The following TACC1 variants were observed in gnomAD, a reference collection of about 807,000 sequenced individuals.
TACC1 encodes transforming acidic coiled-coil-containing protein 1.
TACC1 carries 48 observed loss-of-function variants against 84.4 expected under a neutral mutation model. The ratio of observed to expected loss-of-function variants is 0.57; its 90% CI spans 0.45 to 0.72. The LOEUF is 0.72. TACC1 is among the 30% of genes least tolerant of loss of function. The pLI is 0.00. For synonymous variants in TACC1, 372 were observed against 376.3 expected (o/e 0.99, Z 0.13); for missense variants, 920 against 973.0 (o/e 0.95, Z 0.72).
rs564484169 is a variant in TACC1, at chr8:38,771,094, G to A, written c.27-17610G>A. ...CTGGCTCATTGAAAAAGTTTGGCAA[G>A]GTTGTCAGGAGACATGAATTAGATG... On this transcript the variant is annotated intron_variant, in intron 3 of 14. Coordinates refer to the TACC1 transcript ENST00000518415. 1.9e-4 allele frequency among the ~76,000 whole-genome samples: 29 copies of A among 152,326 alleles called. No homozygotes were observed. In the East Asian group the frequency reaches 5.0e-3, roughly 26 times the overall value.
chr8:38,754,136 G>A (rs970974941), intron 3 of TACC1, among the ~76,000 whole-genome samples: 1 of 151,752 alleles, frequency 6.6e-6, no homozygotes, highest in African/African-American at 2.4e-5. Flanking sequence ...TAAATTTTTG[G>A]TAGAGACAGG....
intron 1 of TACC1, chr8:38,742,278 G>T (rs1266708060): frequency 1.7e-6 from 1 of 579,320 alleles, no homozygotes; most frequent in Non-Finnish European, 2.7e-6. Flanking sequence ...TTAGGCAAAA[G>T]GTTGGAAACT....
At chr8:38,775,429 T>G (rs925051448) in intron 3 of TACC1, among the ~76,000 whole-genome samples, 4 of 152,160 alleles carry the variant, frequency 2.6e-5, no homozygotes, top group Non-Finnish European at 5.9e-5. Flanking sequence ...GCCTGGGTGG[T>G]TTATAAACCA....
chr8:38,756,063 C>G (rs1809982151), intron 3 of TACC1, among the ~76,000 whole-genome samples: 1 of 151,912 alleles, frequency 6.6e-6, no homozygotes, highest in Admixed American at 6.6e-5. Context: ...AATCCACCCC[C>G]TAGGCCTCCC....
chr8:38,797,072 G>A (rs542632097), intron 2 of TACC1, among the ~76,000 whole-genome samples: 47 of 152,378 alleles, frequency 3.1e-4, no homozygotes, highest in Middle Eastern at 6.8e-3. Context: ...AGTGCTGGCT[G>A]TTGGTGGGAG....
chr8:38,792,331 A>G (rs551395952), intron 2 of TACC1, among the ~76,000 whole-genome samples: 283 of 152,294 alleles, frequency 1.9e-3, no homozygotes, highest in Middle Eastern at 6.8e-3. Context: ...GACAGGATCT[A>G]TGTCTAGACT....
Position 38,846,724 on chromosome 8 carries a change from C to T in TACC1, c.2254C>T (p.Arg752Ter). ...AGCCAATGAAGAGATTGCTCAGGTT[C>T]GAACAAAAGCAAAGGCTGAGAGTGC... ...DKANEEIAQVRTKAKAESAAL... is the reference protein window; with the variant it reads ...DKANEEIAQV Residue 752 changes from arginine to a stop codon, truncating the protein, a stop_gained, in exon 12 of 13, where the codon CGA becomes TGA. Coordinates refer to ENST00000317827, the MANE Select transcript of TACC1 (RefSeq NM_006283.3). LOFTEE classifies it high-confidence loss of function. The T allele has an allele frequency of 1.9e-6, 3 of 1,614,014 alleles. No individual in the cohort carries two copies. The highest frequency in any genetic ancestry group is 2.5e-6 in the Non-Finnish European group (3 of 1,179,998).
rs368949012 is a variant in TACC1, at chr8:38,806,624, T to C, written c.278-12898T>C. The stretch of plus-strand genomic sequence containing the variant: ...AGAGGAGAAGTGGGTAGAAGGGGAC[T>C]TGGTTTTGGGTAAGAAGATATTTTT... On this transcript the variant is annotated intron_variant, in intron 2 of 12. Coordinates refer to ENST00000317827, the MANE Select transcript of TACC1 (RefSeq NM_006283.3). 1.3e-4 allele frequency among the ~76,000 whole-genome samples: 20 copies of C among 152,066 alleles called. 1 individual carries two copies. The highest frequency in any genetic ancestry group is 9.8e-4 in the Admixed American group (15 of 15,258).
chr8:38,834,751 T>G lies in TACC1; in HGVS notation c.1714-1411T>G, dbSNP rs556327579. 5.3e-5 allele frequency among the ~76,000 whole-genome samples: 8 copies of G among 152,280 alleles called. No homozygotes were observed. The East Asian group carries it at 1.3e-3, about 26-fold the overall frequency. On this transcript the variant is annotated intron_variant, in intron 6 of 12. Transcript: ENST00000317827. ...TTCTGAGCATTTTCTAGAGAGAGGG[T>G]AAAACTATAATGACTCTGAAAAATT...
intron 2 of TACC1, among the ~76,000 whole-genome samples, chr8:38,798,281 C>A (rs1013986769): frequency 6.6e-6 from 1 of 152,058 alleles, no homozygotes; most frequent in African/African-American, 2.4e-5. Context: ...TACCACTACA[C>A]CTGGCTTGGG....
In TACC1 at chr8:38,843,281, T is replaced by C. The variant is rs1296494363; in HGVS notation, c.2122-8T>C. On this transcript the variant is annotated splice_region_variant and splice_polypyrimidine_tract_variant and intron_variant, in intron 10 of 12. Transcript: ENST00000317827. ...ACCTGTTTATTTTCAATTTTTGCTT[T>C]GGAACAGAATGAAGAAGCCTTGAAG... is the stretch of plus-strand genomic sequence containing the variant. The C allele has an allele frequency of 6.4e-7, 1 of 1,555,294 alleles. No homozygotes were observed. The highest frequency in any genetic ancestry group is 8.7e-7 in the Non-Finnish European group (1 of 1,152,540).
intron 3 of TACC1, among the ~76,000 whole-genome samples, chr8:38,777,019 G>C (rs1814934044): frequency 6.6e-6 from 1 of 152,110 alleles, no homozygotes; most frequent in Admixed American, 6.5e-5. Flanking sequence ...ACTTTGGGAG[G>C]CTGAGGCAGG....
intron 2 of TACC1, among the ~76,000 whole-genome samples, chr8:38,796,098 A>G (rs1401775138): frequency 6.6e-6 from 1 of 152,158 alleles, no homozygotes; most frequent in Non-Finnish European, 1.5e-5. Context: ...TTTCAGCCGT[A>G]TTTATTTATT....
chr8:38,732,186 G>GAGGGAAAGGAAAGGAAA (rs1563736480), intron 1 of TACC1, among the ~76,000 whole-genome samples: 1 of 127,084 alleles, frequency 7.9e-6, no homozygotes, highest in African/African-American at 3.3e-5. Context: ...GGAAGGAAGA[G>GAGGGAAAGGAAAGGAAA]GGAAAGGAAA....
chr8:38,796,123 C>A (rs1172108137), intron 2 of TACC1, among the ~76,000 whole-genome samples: 1 of 152,198 alleles, frequency 6.6e-6, no homozygotes, highest in Non-Finnish European at 1.5e-5. Flanking sequence ...GTGTTGGGAA[C>A]AAGTAATCTT....
At chr8:38,764,072 C>T (rs1811735142) in intron 3 of TACC1, among the ~76,000 whole-genome samples, 1 of 151,990 alleles carries the variant, frequency 6.6e-6, no homozygotes, top group Non-Finnish European at 1.5e-5. Context: ...AGTGACTGCT[C>T]AGCATCCTTT....
intron 3 of TACC1, among the ~76,000 whole-genome samples, chr8:38,779,048 C>T (rs774315193): frequency 3.3e-5 from 5 of 151,010 alleles, no homozygotes; most frequent in Non-Finnish European, 7.4e-5. Flanking sequence ...GCCACAATCA[C>T]GGCTTACTTC....
rs1833100176 is a variant in TACC1 at position 38,851,649 on chromosome 8, T to C, written c.*3626T>C. On this transcript the variant is annotated 3_prime_UTR_variant, in exon 13 of 13. Transcript: ENST00000317827. ...TGAACTGTCTCTGACTGTTGTCTCT[T>C]TGTGGTCATGTGATTGTGAGCTTGC... 7.0e-6 allele frequency: 2 copies of C among 286,698 alleles called. No individual in the cohort carries two copies. The highest frequency in any genetic ancestry group is 4.4e-5 in the Admixed American group (1 of 22,584). The allele number at this position is 286,698 out of a possible 1,614,324, so 17.8% of individuals were successfully genotyped here.
At chr8:38,759,695 G>A (rs554354306) in intron 3 of TACC1, among the ~76,000 whole-genome samples, 52 of 152,288 alleles carry the variant, frequency 3.4e-4, no homozygotes, top group African/African-American at 1.1e-3. Flanking sequence ...AACACATGCA[G>A]TCAGTACTGG....
Sources: allele counts gnomAD v4.1 joint callset (sites outside exome capture counted in the v4.1 genomes callset), GRCh38; gene constraint gnomAD v4.1.1; transcripts MANE v1.5; gene names NCBI Gene and HGNC (gene_info 2026-07-23, HGNC 2026-07-21).